The following ARHGEF11 variants were observed in gnomAD, a reference collection of about 807,000 sequenced individuals.
ARHGEF11 encodes the protein Rho guanine nucleotide exchange factor 11, also known as Rho guanine exchange factor (GEF) 11.
A neutral mutation model predicts 193.7 loss-of-function variants in ARHGEF11; 55 were observed. The observed-to-expected ratio is 0.28, with a 90% CI of 0.23 to 0.36. The LOEUF (loss-of-function observed/expected upper bound fraction) is 0.36, where lower values mean the gene tolerates loss of function less well. Ranked by LOEUF, ARHGEF11 falls within the 10% of genes least tolerant of loss-of-function variation. ARHGEF11 has a pLI of 1.00. For missense variants in ARHGEF11, 1,723 were observed against 2,005.6 expected (o/e 0.86, Z 2.69); for synonymous variants, 693 against 768.0 (o/e 0.90, Z 1.62).
At chr1:156,943,143 CT>C (rs1325548590) in intron 32 of ARHGEF11, among the ~76,000 whole-genome samples, 3 of 151,232 alleles carry the variant, frequency 2.0e-5, no homozygotes. Flanking sequence ...TCACTGCAAC[CT>C]GCGCCTCCCG....
chr1:156,994,082 T>C (rs1572414), intron 1 of ARHGEF11, among the ~76,000 whole-genome samples: 29,672 of 152,136 alleles, frequency 0.2, 3,044 homozygotes, highest in East Asian at 0.34. Flanking sequence ...AGTCCCTTAA[T>C]TTATGAGTCT....
At chr1:156,944,206 G>A (rs1418773259) in intron 31 of ARHGEF11, 104 bp from the exon 32 acceptor site, 9 of 1,460,908 alleles carry the variant, frequency 6.2e-6, no homozygotes, top group African/African-American at 1.4e-5. Context: ...AGTCCTGGGA[G>A]TCTGGTGACC....
chr1:157,019,505 T>C (rs148923680), intron 1 of ARHGEF11, among the ~76,000 whole-genome samples: 1,968 of 152,302 alleles, frequency 0.013, 38 homozygotes, highest in African/African-American at 0.045. Context: ...AAACACACAT[T>C]TATCATATGA....
At chr1:156,983,210 CT>C (rs371721286) in intron 3 of ARHGEF11, among the ~76,000 whole-genome samples, 10 of 148,470 alleles carry the variant, frequency 6.7e-5, no homozygotes, top group South Asian at 2.1e-4. Flanking sequence ...CACTGCCTTT[CT>C]TTTTTTTTTG....
chr1:156,974,860 T>C (rs1426396351), intron 7 of ARHGEF11, among the ~76,000 whole-genome samples: 2 of 152,254 alleles, frequency 1.3e-5, no homozygotes, highest in Non-Finnish European at 2.9e-5. Flanking sequence ...TTTTTATGGC[T>C]GAGTAAAATC....
intron 22 of ARHGEF11, 41 bp downstream of exon 22, chr1:156,951,532 A>C: frequency 6.2e-7 from 1 of 1,610,190 alleles, no homozygotes; most frequent in Non-Finnish European, 8.5e-7. Flanking sequence ...CCCATGACCC[A>C]CTCTTCGAGC....
At chr1:157,031,349 C>T (rs1056345393) in intron 1 of ARHGEF11, among the ~76,000 whole-genome samples, 2 of 152,146 alleles carry the variant, frequency 1.3e-5, no homozygotes, top group African/African-American at 4.8e-5. Context: ...GGATGTGTCT[C>T]CAGGCATGAG....
intron 7 of ARHGEF11, among the ~76,000 whole-genome samples, chr1:156,973,768 G>A (rs1407202218): frequency 4.6e-5 from 7 of 152,094 alleles, no homozygotes; most frequent in African/African-American, 7.2e-5. Flanking sequence ...CTTCACCAAT[G>A]GATAAGTTCT....
At chr1:156,992,938 T>C (rs1414078731) in intron 1 of ARHGEF11, among the ~76,000 whole-genome samples, 1 of 152,206 alleles carries the variant, frequency 6.6e-6, no homozygotes, top group Non-Finnish European at 1.5e-5. Flanking sequence ...GTCCTTTCCA[T>C]CTGTCAATGG....
At chr1:156,986,256 G>A (rs1664905470) in intron 1 of ARHGEF11, 83 bp from the exon 2 acceptor site, 3 of 1,228,862 alleles carry the variant, frequency 2.4e-6, no homozygotes, top group East Asian at 4.8e-5. Context: ...TGTCAAAAGG[G>A]GCCCTGAGTC....
intron 1 of ARHGEF11, among the ~76,000 whole-genome samples, chr1:157,036,105 A>T (rs1258290715): frequency 6.9e-6 from 1 of 144,398 alleles, no homozygotes; most frequent in East Asian, 2.0e-4. Flanking sequence ...ACATATATGA[A>T]TATATATGAA....
At chr1:156,992,818 G>A (rs1335421965) in intron 1 of ARHGEF11, among the ~76,000 whole-genome samples, 1 of 151,958 alleles carries the variant, frequency 6.6e-6, no homozygotes, top group Non-Finnish European at 1.5e-5. Context: ...AGCTTACACT[G>A]CCCACTGCTT....
chr1:156,946,205 C>A (rs765330546), intron 28 of ARHGEF11, 43 bp from the exon 29 acceptor site: 1 of 1,573,302 alleles, frequency 6.4e-7, no homozygotes, highest in South Asian at 1.1e-5. Context: ...GTCAGCGTGG[C>A]TGGGAGCTGG....
At chr1:157,007,977 C>G (rs1195283337) in intron 1 of ARHGEF11, among the ~76,000 whole-genome samples, 1 of 136,808 alleles carries the variant, frequency 7.3e-6, no homozygotes, top group African/African-American at 2.7e-5. Context: ...CAGTTCAGTT[C>G]CTGGAACACC....
chr1:156,969,371 T>C lies in ARHGEF11; in HGVS notation c.749-13A>G, dbSNP rs1234915695. On this transcript the variant is annotated splice_polypyrimidine_tract_variant and intron_variant, in intron 9 of 40. Transcript: ENST00000368194. Reference sequence around the variant, plus strand: ...AGAGAGAGCCGGCCTGAGAAGAAAATAGTTTCTATAACACAGAAGGAGCTG... The same window carrying C: ...AGAGAGAGCCGGCCTGAGAAGAAAACAGTTTCTATAACACAGAAGGAGCTG... 5.0e-6 allele frequency: 8 copies of C among 1,595,470 alleles called. No homozygotes were observed. Among genetic ancestry groups the C allele is most frequent in the Non-Finnish European group, 5.1e-6 (6 of 1,169,882 alleles).
intron 1 of ARHGEF11, among the ~76,000 whole-genome samples, chr1:157,027,170 AG>A (rs1670745682): frequency 6.6e-6 from 1 of 152,148 alleles, no homozygotes; most frequent in Admixed American, 6.6e-5. Flanking sequence ...GCTTGAGCCT[AG>A]GATCACTTGA....
rs1341493159 is a variant in ARHGEF11 at position 156,941,294 on chromosome 1, G to A, written c.3514+78C>T. On this transcript the variant is annotated intron_variant, in intron 35 of 40. Transcript: ENST00000368194. ...CCGGGCCCTGATGGACTCTCCCATC[G>A]CCCCCATACTCACACCCAACCTGTG... is the stretch of plus-strand genomic sequence containing the variant. The A allele has an allele frequency of 2.8e-5, 39 of 1,379,718 alleles. 1 individual carries two copies. The South Asian group carries it at 3.6e-4, about 13-fold the overall frequency. 85.5% of individuals were successfully genotyped at this position (1,379,718 alleles called of 1,614,324 possible).
chr1:156,948,946 C>T lies in ARHGEF11; in HGVS notation c.1926-448G>A, dbSNP rs1658657835. 1 of 985,296 alleles carries T rather than the reference C, an allele frequency of 1.0e-6. No homozygotes were observed. Among genetic ancestry groups the T allele is most frequent in the African/African-American group, 1.7e-5 (1 of 57,230 alleles). The allele number at this position is 985,296 out of a possible 1,614,324, so 61.0% of individuals were successfully genotyped here. ...CTCTGCTTTGGAACGGGTCAGCTCC[C>T]ACCTTTAACTCTGCCTGAGGCGAAC... On this transcript the variant is annotated intron_variant, in intron 22 of 40. Coordinates refer to ENST00000368194, the MANE Select transcript of ARHGEF11 (RefSeq NM_198236.3). The surrounding 1 kb of genome is among the most constrained non-coding windows in gnomAD (Gnocchi z 4.2).
chr1:156,951,469 A>C, intron 22 of ARHGEF11, 104 bp downstream of exon 22: 3 of 1,482,276 alleles, frequency 2.0e-6, no homozygotes, highest in Non-Finnish European at 2.7e-6. Flanking sequence ...GGAGCCTTAG[A>C]AGCTAGTGGA....
Sources: gnomAD v4.1 joint callset for allele counts (sites outside exome capture counted in the v4.1 genomes callset) on GRCh38, gnomAD v4.1.1 for gene constraint, Gnocchi (gnomAD v3.1) non-coding constraint, MANE v1.5 for transcripts, NCBI Gene and HGNC (gene_info 2026-07-23, HGNC 2026-07-21) for gene names.